The following CUX2 variants were observed in gnomAD, a reference collection of about 807,000 sequenced individuals.
CUX2 encodes homeobox protein cut-like 2.
A neutral mutation model predicts 144.8 loss-of-function variants in CUX2; 40 were observed. The observed-to-expected ratio is 0.28, with a 90% CI of 0.21 to 0.36. The LOEUF (loss-of-function observed/expected upper bound fraction) is 0.36, where lower values mean the gene tolerates loss of function less well. Ranked by LOEUF, CUX2 falls within the 10% of genes least tolerant of loss-of-function variation. CUX2 has a pLI of 1.00. For synonymous variants in CUX2, 827 were observed against 875.6 expected, an observed-to-expected ratio of 0.94 and a Z score of 0.98; for missense variants, 1,615 against 1,994.0, an observed-to-expected ratio of 0.81 and a Z score of 3.62.
intron 18 of CUX2, among the ~76,000 whole-genome samples, chr12:111,330,732 T>TACATAC (rs1565926344): frequency 3.7e-5 from 2 of 53,594 alleles, no homozygotes; most frequent in African/African-American, 1.4e-4. Flanking sequence ...TATATATATA[T>TACATAC]ATATATATAT....
At position 111,186,560 on chromosome 12, in the gene CUX2, G is replaced by C. The variant is rs1277630174; in HGVS notation, c.64-27640G>C. On this transcript the variant is annotated intron_variant, in intron 1 of 21. Transcript: ENST00000261726. This position sits in a 1 kb window ranked among gnomAD's most constrained non-coding sequence, Gnocchi z 4.4. Reference sequence around the variant, plus strand: ...CCGGCCACCAGGACCCATGGTTGCTGAGAGAGAGAAGGGCGACTCTGTGGC... The same window carrying C: ...CCGGCCACCAGGACCCATGGTTGCTCAGAGAGAGAAGGGCGACTCTGTGGC... Among the ~76,000 whole-genome samples the C allele has an allele frequency of 6.6e-6, 1 of 152,184 alleles. No homozygotes were observed. The highest frequency in any genetic ancestry group is 1.5e-5 in the Non-Finnish European group (1 of 68,038).
At chr12:111,248,618 G>C (rs899338185) in intron 3 of CUX2, among the ~76,000 whole-genome samples, 10 of 152,096 alleles carry the variant, frequency 6.6e-5, no homozygotes, top group Non-Finnish European at 1.5e-5. Context: ...TTCAAGGAGG[G>C]GGGTGAAGCC....
rs1195599779 is a variant in CUX2 at position 111,348,043 on chromosome 12, G to T, written c.4179G>T (p.Val1393=). The change falls in exon 22 of 22, where the codon GTG becomes GTT. Residue 1393 remains valine, a synonymous_variant. Coordinates refer to ENST00000261726, the MANE Select transcript of CUX2 (RefSeq NM_015267.4). ...ASESSRCSLE[V]SLNSPSAASS... is the part of the protein sequence containing the mutation. ...AGTCCTCACGCTGCAGCCTGGAGGT[G>T]TCACTGAACTCGCCCTCGGCCGCCT... 4 of 1,614,000 alleles carry T rather than the reference G, an allele frequency of 2.5e-6. No individual in the cohort carries two copies. Among genetic ancestry groups the T allele is most frequent in the Non-Finnish European group, 3.4e-6 (4 of 1,180,050 alleles).
chr12:111,069,880 C>G (rs1484396716), intron 1 of CUX2, among the ~76,000 whole-genome samples: 1 of 152,050 alleles, frequency 6.6e-6, no homozygotes, highest in Non-Finnish European at 1.5e-5. Context: ...GAGTTCAGCT[C>G]CTAATAAAAA....
rs561607938 is a variant in CUX2, at chr12:111,335,568, G to A, written c.3196+858G>A. Among the ~76,000 whole-genome samples, 11 of 152,058 alleles carry A rather than the reference G, an allele frequency of 7.2e-5. No individual in the cohort carries two copies. In the South Asian group the frequency reaches 1.0e-3, roughly 14 times the overall value. ...TCTACTAAAAATACAAAAAGTAGCCGGGTGTGGTGGCATGCACTTGGAATC... is the reference window on the plus strand; with the variant it reads ...TCTACTAAAAATACAAAAAGTAGCCAGGTGTGGTGGCATGCACTTGGAATC... On this transcript the variant is annotated intron_variant, in intron 19 of 21. Transcript: ENST00000261726.
rs539070095 is a variant in CUX2, at chr12:111,103,469, A to G, written c.63+69229A>G. On this transcript the variant is annotated intron_variant, in intron 1 of 21. Coordinates refer to ENST00000261726, the MANE Select transcript of CUX2 (RefSeq NM_015267.4). ...GAGGGAGTGAATATGACCTTGACAG[A>G]CAGGCGTACATCAACTGTGAGGGAA... Among the ~76,000 whole-genome samples the G allele has an allele frequency of 1.1e-4, 16 of 152,318 alleles. No individual in the cohort carries two copies. The South Asian group carries it at 3.3e-3, about 32-fold the overall frequency.
intron 1 of CUX2, among the ~76,000 whole-genome samples, chr12:111,159,303 C>G (rs552723931): frequency 1.3e-5 from 2 of 149,098 alleles, no homozygotes; most frequent in African/African-American, 2.5e-5. Context: ...TGTGCGCCAC[C>G]ATGCCCAGCT....
At chr12:111,132,173 C>A (rs1875529113) in intron 1 of CUX2, among the ~76,000 whole-genome samples, 1 of 152,210 alleles carries the variant, frequency 6.6e-6, no homozygotes, top group Non-Finnish European at 1.5e-5. Context: ...AGGCTCAACA[C>A]CCTGTGGAAG....
At chr12:111,276,643 G>GT (rs149780623) in intron 4 of CUX2, among the ~76,000 whole-genome samples, 2,339 of 151,066 alleles carry the variant, frequency 0.015, 68 homozygotes, top group African/African-American at 0.053. Flanking sequence ...TTGTTTGTTT[G>GT]TTTGTTTTGT....
chr12:111,089,332 T>C (rs1327848673), intron 1 of CUX2, among the ~76,000 whole-genome samples: 1 of 152,236 alleles, frequency 6.6e-6, no homozygotes, highest in Non-Finnish European at 1.5e-5. Context: ...TTTCCCCATC[T>C]GAGAAATGGG....
At chr12:111,258,033 G>T (rs1883927550) in intron 3 of CUX2, among the ~76,000 whole-genome samples, 1 of 152,222 alleles carries the variant, frequency 6.6e-6, no homozygotes, top group Admixed American at 6.5e-5. Flanking sequence ...ATTAGAAGAA[G>T]AATTTTCTGA....
intron 16 of CUX2, among the ~76,000 whole-genome samples, chr12:111,318,245 C>A (rs28595196): frequency 2.5e-5 from 2 of 78,902 alleles, no homozygotes; most frequent in African/African-American, 7.1e-5. Context: ...TTTCTTTTTT[C>A]TTTTTTTTTT....
chr12:111,034,577 C>T lies in CUX2; in HGVS notation c.63+337C>T, dbSNP rs1027908801. Among the ~76,000 whole-genome samples the T allele has an allele frequency of 6.6e-6, 1 of 151,204 alleles. No homozygotes were observed. The highest frequency in any genetic ancestry group is 2.4e-5 in the African/African-American group (1 of 41,324). On this transcript the variant is annotated intron_variant, in intron 1 of 21. Transcript: ENST00000261726. The surrounding 1 kb of genome is among the most constrained non-coding windows in gnomAD (Gnocchi z 4.2). ...TCGGGCAGGGGGCTGCTGGCGGGAA[C>T]CCCCGGCGGTCCCCCCTGAGCCGCA...
intron 3 of CUX2, among the ~76,000 whole-genome samples, chr12:111,247,304 C>T (rs1253821949): frequency 2.0e-5 from 3 of 152,214 alleles, no homozygotes. Flanking sequence ...GGGCTGTCTC[C>T]AGCCACACTC....
At chr12:111,232,733 C>T (rs1882541773) in intron 3 of CUX2, among the ~76,000 whole-genome samples, 2 of 152,100 alleles carry the variant, frequency 1.3e-5, no homozygotes, top group Admixed American at 6.5e-5. Flanking sequence ...TTTGCCAGCC[C>T]CTGCTTTTAG....
chr12:111,083,582 C>T (rs1273149622), intron 1 of CUX2, among the ~76,000 whole-genome samples: 1 of 151,960 alleles, frequency 6.6e-6, no homozygotes, highest in African/African-American at 2.4e-5. Flanking sequence ...AGATATAAGT[C>T]ACTTAGGCAA....
intron 1 of CUX2, among the ~76,000 whole-genome samples, chr12:111,162,657 C>T (rs115781214): frequency 6.6e-6 from 1 of 152,196 alleles, no homozygotes; most frequent in Non-Finnish European, 1.5e-5. Context: ...GTTTCTTGAA[C>T]CCATAATTGG....
At chr12:111,096,527 C>T (rs1872826030) in intron 1 of CUX2, among the ~76,000 whole-genome samples, 2 of 152,224 alleles carry the variant, frequency 1.3e-5, no homozygotes, top group Admixed American at 6.5e-5. Context: ...GGCAAAGTCA[C>T]TTGCCCGAGG....
intron 1 of CUX2, among the ~76,000 whole-genome samples, chr12:111,090,464 C>T (rs1872493989): frequency 6.6e-6 from 1 of 152,080 alleles, no homozygotes; most frequent in Non-Finnish European, 1.5e-5. Flanking sequence ...GGGGTTTCAC[C>T]ATGTTGGCCA....
Sources: allele counts gnomAD v4.1 joint callset (sites outside exome capture counted in the v4.1 genomes callset), GRCh38; gene constraint gnomAD v4.1.1; non-coding constraint Gnocchi (gnomAD v3.1); transcripts MANE v1.5; gene names NCBI Gene and HGNC (gene_info 2026-07-23, HGNC 2026-07-21).